LINGO2: variants seen among roughly 807,000 people sequenced by gnomAD.
The protein encoded by LINGO2 is leucine rich repeat and Ig domain containing 2.
Under a neutral mutation model 30.6 loss-of-function variants are expected in LINGO2, and 14 were observed. The observed-to-expected ratio is 0.46, with a 90% CI of 0.30 to 0.72. The LOEUF (loss-of-function observed/expected upper bound fraction) is 0.72, where lower values mean the gene tolerates loss of function less well. LINGO2 is among the 30% of genes least tolerant of loss of function. LINGO2 has a pLI of 0.07. For missense variants in LINGO2, 729 were observed against 751.7 expected, an observed-to-expected ratio of 0.97 and a Z score of 0.35; for synonymous variants, 317 against 288.5, an observed-to-expected ratio of 1.10 and a Z score of -1.00.
chr9:28,013,892 A>C (rs1344847415), intron 4 of LINGO2, among the ~76,000 whole-genome samples: 2 of 152,216 alleles, frequency 1.3e-5, no homozygotes, highest in Non-Finnish European at 1.5e-5. Context: ...TTCTGGCTAA[A>C]GAATGGGGCT....
chr9:28,643,446 G>T (rs536553966), intron 1 of LINGO2, among the ~76,000 whole-genome samples: 8 of 152,088 alleles, frequency 5.3e-5, no homozygotes, highest in African/African-American at 1.9e-4. Context: ...GGAAAAGACA[G>T]TCTCTTCAAC....
At chr9:28,517,391 T>C (rs189538871) in intron 1 of LINGO2, among the ~76,000 whole-genome samples, 232 of 152,300 alleles carry the variant, frequency 1.5e-3, no homozygotes, top group Admixed American at 3.2e-3. Flanking sequence ...AGCACTAACC[T>C]CTGAATGCTA....
the LINGO2 span, among the ~76,000 whole-genome samples, chr9:28,949,609 C>T: frequency 2.2e-4 from 34 of 152,098 alleles, no homozygotes; most frequent in African/African-American, 4.6e-4. Context: ...GAAATTGAGA[C>T]GGTAATTAAT....
At chr9:28,989,997 T>A in the LINGO2 span, among the ~76,000 whole-genome samples, 11 of 152,190 alleles carry the variant, frequency 7.2e-5, no homozygotes, top group African/African-American at 9.6e-5. Flanking sequence ...CATTTCCATC[T>A]GAGGAAACGG....
At chr9:28,983,576 C>T in the LINGO2 span, among the ~76,000 whole-genome samples, 5 of 151,716 alleles carry the variant, frequency 3.3e-5, no homozygotes, top group South Asian at 2.1e-4. Flanking sequence ...TAGTATATTT[C>T]CTGAAACTAT....
chr9:27,959,197 T>C (rs1000069170), intron 5 of LINGO2, among the ~76,000 whole-genome samples: 5 of 152,168 alleles, frequency 3.3e-5, no homozygotes, highest in Admixed American at 3.3e-4. Flanking sequence ...TTTTCAGTTT[T>C]ATTAAAATTT....
intron 5 of LINGO2, among the ~76,000 whole-genome samples, chr9:27,960,196 T>A (rs1028052661): frequency 7.9e-5 from 12 of 152,110 alleles, no homozygotes; most frequent in African/African-American, 2.9e-4. Flanking sequence ...TTAAGATTTT[T>A]AAAAAAACAA....
chr9:28,026,643 T>G (rs1189934148), intron 4 of LINGO2, among the ~76,000 whole-genome samples: 1 of 152,230 alleles, frequency 6.6e-6, no homozygotes, highest in African/African-American at 2.4e-5. Flanking sequence ...AAGCAAGTTC[T>G]TATATTTTCA....
At chr9:28,589,019 C>G (rs573150024) in intron 1 of LINGO2, among the ~76,000 whole-genome samples, 1 of 152,192 alleles carries the variant, frequency 6.6e-6, no homozygotes, top group African/African-American at 2.4e-5. Context: ...TAAATGTAAT[C>G]CAGCATATAA....
At chr9:28,182,175 C>G (rs1236907110) in intron 4 of LINGO2, among the ~76,000 whole-genome samples, 1 of 152,166 alleles carries the variant, frequency 6.6e-6, no homozygotes, top group African/African-American at 2.4e-5. Flanking sequence ...CTACAACCAT[C>G]TGATCTTCGA....
chr9:28,077,581 T>C (rs1825662535), intron 4 of LINGO2, among the ~76,000 whole-genome samples: 1 of 149,788 alleles, frequency 6.7e-6, no homozygotes, highest in Admixed American at 6.6e-5. Context: ...CTTATTTTTT[T>C]CATAGAGATA....
intron 5 of LINGO2, among the ~76,000 whole-genome samples, chr9:28,005,453 C>T (rs1236796243): frequency 1.3e-5 from 2 of 152,174 alleles, no homozygotes; most frequent in Non-Finnish European, 2.9e-5. Context: ...TTCCCCTTCT[C>T]TTGCCAGTCT....
the LINGO2 span, among the ~76,000 whole-genome samples, chr9:28,765,404 C>A: frequency 6.6e-6 from 1 of 152,012 alleles, no homozygotes; most frequent in Non-Finnish European, 1.5e-5. Flanking sequence ...TATGGTTGTC[C>A]ACACCAAAAT....
the LINGO2 span, among the ~76,000 whole-genome samples, chr9:28,832,780 C>CA: frequency 6.6e-6 from 1 of 152,186 alleles, no homozygotes; most frequent in Non-Finnish European, 1.5e-5. Context: ...CTTGTCTACT[C>CA]AGAGAACTCT....
the LINGO2 span, among the ~76,000 whole-genome samples, chr9:28,798,276 G>GAA: frequency 2.7e-3 from 413 of 151,006 alleles, no homozygotes; most frequent in African/African-American, 8.6e-3. Flanking sequence ...TAGTAGGATG[G>GAA]AAAAAAAAAC....
intron 1 of LINGO2, among the ~76,000 whole-genome samples, chr9:28,541,909 T>C (rs992217644): frequency 2.6e-5 from 4 of 152,044 alleles, no homozygotes; most frequent in African/African-American, 9.7e-5. Context: ...AAGAGAGGCA[T>C]GGAGAGCTGA....
the LINGO2 span, among the ~76,000 whole-genome samples, chr9:28,969,056 C>T: frequency 6.6e-6 from 1 of 151,660 alleles, no homozygotes; most frequent in South Asian, 2.1e-4. Context: ...GAAAGTAAGA[C>T]AAAATCATTA....
At chr9:28,553,758 G>A (rs967710982) in intron 1 of LINGO2, among the ~76,000 whole-genome samples, 1 of 151,864 alleles carries the variant, frequency 6.6e-6, no homozygotes, top group African/African-American at 2.4e-5. Flanking sequence ...GAAAGGTCGG[G>A]TTACCCTCAA....
At chr9:28,413,746 T>C (rs1285632950) in intron 2 of LINGO2, among the ~76,000 whole-genome samples, 1 of 152,092 alleles carries the variant, frequency 6.6e-6, no homozygotes, top group Non-Finnish European at 1.5e-5. Flanking sequence ...GAGCTTAGAC[T>C]GATCCTTTCT....
Sources: gnomAD v4.1 joint callset for allele counts (sites outside exome capture counted in the v4.1 genomes callset) on GRCh38, gnomAD v4.1.1 for gene constraint, MANE v1.5 for transcripts, NCBI Gene and HGNC (gene_info 2026-07-23, HGNC 2026-07-21) for gene names.